NTNG1: variants seen among roughly 807,000 people sequenced by gnomAD.
NTNG1 encodes netrin G1, also known as netrin-G1.
Under a neutral mutation model 54.0 loss-of-function variants are expected in NTNG1, and 16 were observed. That is an observed-to-expected ratio of 0.30 (90% CI 0.20 to 0.45). The LOEUF is 0.45. Among genes scored for constraint, NTNG1 ranks in the 20% least tolerant of loss-of-function variants. NTNG1 has a pLI of 1.00. For missense variants in NTNG1, 530 were observed against 678.7 expected (o/e 0.78, Z 2.43); for synonymous variants, 255 against 263.1 (o/e 0.97, Z 0.30).
Position 107,428,594 on chromosome 1 carries a change from A to C in NTNG1, c.1088-2156A>C, listed in dbSNP as rs185418372. ...CTTCCAGAGGAGGCGACCCAGGGGC[A>C]GGGCTGTTATTGGCCCTCCTCAGGA... On this transcript the variant is annotated intron_variant, in intron 5 of 7. Transcript: ENST00000370068. Among the ~76,000 whole-genome samples, 34 of 152,242 alleles carry C rather than the reference A, an allele frequency of 2.2e-4. No individual in the cohort carries two copies. The East Asian group carries it at 4.1e-3, about 18-fold the overall frequency.
Position 107,471,943 on chromosome 1 carries a change from T to A in NTNG1, c.1391-8668T>A, listed in dbSNP as rs75528766. ...AAGTATACTTAGGTTGTGTTTTATA[T>A]TTTTTTAGAGCACCTCCACATAATT... is the stretch of plus-strand genomic sequence containing the variant. On this transcript the variant is annotated intron_variant, in intron 7 of 7. Coordinates refer to ENST00000370068, the MANE Select transcript of NTNG1 (RefSeq NM_001113226.3). 1.2e-3 allele frequency among the ~76,000 whole-genome samples: 177 copies of A among 152,294 alleles called. 2 individuals carry two copies. The East Asian group carries it at 0.022, about 19-fold the overall frequency.
chr1:107,352,407 A>G (rs1182763194), intron 3 of NTNG1, among the ~76,000 whole-genome samples: 4 of 150,040 alleles, frequency 2.7e-5, no homozygotes, highest in Non-Finnish European at 4.4e-5. Context: ...TGTATCTACA[A>G]TTATGGTCTC....
chr1:107,273,594 A>G (rs141854762), intron 2 of NTNG1, among the ~76,000 whole-genome samples: 1 of 152,332 alleles, frequency 6.6e-6, no homozygotes, highest in East Asian at 1.9e-4. Context: ...AGAATGCCTC[A>G]TGCGGTGACT....
At chr1:107,269,335 T>C (rs1485593362) in intron 2 of NTNG1, among the ~76,000 whole-genome samples, 1 of 152,202 alleles carries the variant, frequency 6.6e-6, no homozygotes, top group African/African-American at 2.4e-5. Flanking sequence ...CTCTGCTCAT[T>C]TGGCACCTTT....
At chr1:107,480,586 C>CCCCAA in intron 7 of NTNG1, 25 bp from the exon 8 acceptor site, 4 of 970,680 alleles carry the variant, frequency 4.1e-6, no homozygotes, top group Non-Finnish European at 6.3e-6. Context: ...GCCCACCCAC[C>CCCCAA]CCTACCTTCC....
At chr1:107,476,195 A>G (rs1396351322) in intron 7 of NTNG1, among the ~76,000 whole-genome samples, 9 of 152,012 alleles carry the variant, frequency 5.9e-5, no homozygotes, top group Non-Finnish European at 1.5e-5. Context: ...GGATCACTGC[A>G]TTTTTCTGAC....
chr1:107,217,265 G>C (rs1660031521), intron 2 of NTNG1, among the ~76,000 whole-genome samples: 1 of 152,032 alleles, frequency 6.6e-6, no homozygotes, highest in Non-Finnish European at 1.5e-5. Flanking sequence ...ATGACCTTCT[G>C]TATTTCTGTG....
At chr1:107,340,440 G>T (rs1386038409) in intron 3 of NTNG1, among the ~76,000 whole-genome samples, 1 of 152,014 alleles carries the variant, frequency 6.6e-6, no homozygotes, top group Non-Finnish European at 1.5e-5. Flanking sequence ...ATGGAAAACA[G>T]GAGCCCTGCA....
At chr1:107,212,859 C>G (rs1426077019) in intron 2 of NTNG1, among the ~76,000 whole-genome samples, 1 of 151,916 alleles carries the variant, frequency 6.6e-6, no homozygotes, top group South Asian at 2.1e-4. Flanking sequence ...ATATATCCAG[C>G]CTTTTGCATG....
intron 4 of NTNG1, among the ~76,000 whole-genome samples, chr1:107,407,451 G>A (rs1673501881): frequency 6.6e-6 from 1 of 152,058 alleles, no homozygotes; most frequent in Admixed American, 6.6e-5. Context: ...GATGAGCCCA[G>A]GAGTTCTAGA....
intron 2 of NTNG1, among the ~76,000 whole-genome samples, chr1:107,236,297 A>G (rs933177804): frequency 1.3e-5 from 2 of 152,202 alleles, no homozygotes; most frequent in Admixed American, 6.5e-5. Context: ...AGAATTCTAC[A>G]TCCATCAAAG....
intron 3 of NTNG1, among the ~76,000 whole-genome samples, chr1:107,354,019 G>A (rs1385254617): frequency 1.3e-5 from 2 of 152,086 alleles, no homozygotes; most frequent in Non-Finnish European, 2.9e-5. Flanking sequence ...CTCCCACAAG[G>A]CACCACCTCC....
chr1:107,445,057 A>G (rs935370636), intron 7 of NTNG1, among the ~76,000 whole-genome samples: 1 of 152,166 alleles, frequency 6.6e-6, no homozygotes, highest in African/African-American at 2.4e-5. Context: ...TGAAACTTGC[A>G]GAATAAATAT....
At chr1:107,315,928 A>G (rs950810420) in intron 2 of NTNG1, among the ~76,000 whole-genome samples, 27 of 152,350 alleles carry the variant, frequency 1.8e-4, no homozygotes, top group Middle Eastern at 6.8e-3. Flanking sequence ...GAATATAGAT[A>G]AAGTACTCTT....
intron 4 of NTNG1, among the ~76,000 whole-genome samples, chr1:107,404,390 T>G (rs560937599): frequency 6.6e-6 from 1 of 152,270 alleles, no homozygotes; most frequent in East Asian, 1.9e-4. Context: ...ATTGCCTAAC[T>G]CTTGTTATAA....
intron 2 of NTNG1, among the ~76,000 whole-genome samples, chr1:107,193,219 C>G (rs906996502): frequency 6.6e-6 from 1 of 151,972 alleles, no homozygotes; most frequent in African/African-American, 2.4e-5. Context: ...CTTGTCACTT[C>G]TCAATACTCT....
chr1:107,359,310 C>T (rs1246335988), intron 3 of NTNG1, among the ~76,000 whole-genome samples: 4 of 152,134 alleles, frequency 2.6e-5, no homozygotes, highest in Non-Finnish European at 5.9e-5. Context: ...AGCAATACAG[C>T]ATGGTCATTG....
chr1:107,270,790 C>T (rs1664094211), intron 2 of NTNG1, among the ~76,000 whole-genome samples: 1 of 135,852 alleles, frequency 7.4e-6, no homozygotes, highest in Admixed American at 8.9e-5. Flanking sequence ...TTTCTTTGAA[C>T]TTAAAAATTA....
chr1:107,172,667 G>C (rs1656337745), intron 2 of NTNG1, among the ~76,000 whole-genome samples: 1 of 152,214 alleles, frequency 6.6e-6, no homozygotes, highest in Non-Finnish European at 1.5e-5. Flanking sequence ...TACTGACTAT[G>C]CTTTTAAAAG....
Sources: allele counts gnomAD v4.1 joint callset (sites outside exome capture counted in the v4.1 genomes callset), GRCh38; gene constraint gnomAD v4.1.1; transcripts MANE v1.5; gene names NCBI Gene and HGNC (gene_info 2026-07-23, HGNC 2026-07-21).